Variants in CLASP2 observed in about 807,000 individuals in gnomAD.
CLASP2 encodes CLIP-associating protein 2.
Under a neutral mutation model 194.4 loss-of-function variants are expected in CLASP2, and 47 were observed. The ratio of observed to expected loss-of-function variants is 0.24; its 90% confidence interval spans 0.19 to 0.31. The LOEUF (loss-of-function observed/expected upper bound fraction) is 0.31, where lower values mean the gene tolerates loss of function less well. Ranked by LOEUF, CLASP2 falls within the 10% of genes least tolerant of loss-of-function variation. The pLI is 1.00. For missense variants in CLASP2, 1,445 were observed against 1,823.6 expected (o/e 0.79, Z 3.78); for synonymous variants, 619 against 633.5 (o/e 0.98, Z 0.34).
intron 12 of CLASP2, among the ~76,000 whole-genome samples, chr3:33,616,734 CTT>C (rs958911625): frequency 1.4e-3 from 138 of 95,368 alleles, no homozygotes; most frequent in Middle Eastern, 8.8e-3. Context: ...ACTATACTTC[CTT>C]TTTTTTTTTT....
intron 34 of CLASP2, among the ~76,000 whole-genome samples, chr3:33,522,589 T>C (rs2053432583): frequency 6.6e-6 from 1 of 152,200 alleles, no homozygotes; most frequent in Admixed American, 6.5e-5. Context: ...TTGAAAAAGA[T>C]CTGATGGCAG....
chr3:33,676,509 G>A (rs1217097831), intron 6 of CLASP2, among the ~76,000 whole-genome samples: 3 of 150,508 alleles, frequency 2.0e-5, no homozygotes, highest in African/African-American at 7.3e-5. Context: ...TATGGAGAAA[G>A]CTGAAACTGG....
intron 1 of CLASP2, among the ~76,000 whole-genome samples, chr3:33,716,246 A>C (rs1227184791): frequency 1.3e-5 from 2 of 152,198 alleles, no homozygotes; most frequent in Non-Finnish European, 2.9e-5. Context: ...AGTGAGGAGC[A>C]TGGAGAAAAT....
chr3:33,559,427 G>T, intron 28 of CLASP2, 42 bp from the exon 29 acceptor site: 3 of 1,162,258 alleles, frequency 2.6e-6, no homozygotes, highest in South Asian at 1.4e-5. Flanking sequence ...AATTTAGTTA[G>T]CAAGTACGCA....
chr3:33,515,330 A>G (rs1162756955), intron 36 of CLASP2, among the ~76,000 whole-genome samples: 1 of 152,192 alleles, frequency 6.6e-6, no homozygotes, highest in East Asian at 1.9e-4. Flanking sequence ...CATGGCTACC[A>G]AGTACTATGA....
At chr3:33,568,549 G>A (rs1176548522) in intron 26 of CLASP2, among the ~76,000 whole-genome samples, 3 of 58,612 alleles carry the variant, frequency 5.1e-5, no homozygotes, top group Non-Finnish European at 8.9e-5. Context: ...AAGAGATCTT[G>A]TCTCAAAAAA....
intron 29 of CLASP2, among the ~76,000 whole-genome samples, chr3:33,556,343 CTGGTTTTATTTT>C (rs1481152136): frequency 1.3e-5 from 2 of 152,042 alleles, no homozygotes; most frequent in East Asian, 3.8e-4. Flanking sequence ...CACTTGAAAG[CTGGTTTTATTTT>C]TGGCATAAAG....
At chr3:33,560,153 T>C (rs932191434) in intron 28 of CLASP2, among the ~76,000 whole-genome samples, 4 of 152,130 alleles carry the variant, frequency 2.6e-5, no homozygotes, top group Non-Finnish European at 4.4e-5. Context: ...AAATGCATAA[T>C]AAAACGTTGT....
At chr3:33,648,379 A>G (rs540814167) in intron 7 of CLASP2, among the ~76,000 whole-genome samples, 22 of 152,120 alleles carry the variant, frequency 1.4e-4, no homozygotes, top group African/African-American at 4.6e-4. Flanking sequence ...TTGAAAAAGC[A>G]TTACTGGAGA....
chr3:33,687,484 A>G (rs1301967185), intron 4 of CLASP2, among the ~76,000 whole-genome samples: 1 of 152,226 alleles, frequency 6.6e-6, no homozygotes, highest in African/African-American at 2.4e-5. Context: ...TGATTTTTTT[A>G]GACTCTGGTC....
At chr3:33,607,534 T>A in intron 14 of CLASP2, 73 bp from the exon 15 acceptor site, 1 of 932,096 alleles carries the variant, frequency 1.1e-6, no homozygotes, top group Non-Finnish European at 1.6e-6. Context: ...TTAAGGCCTA[T>A]ATGTTACATA....
intron 7 of CLASP2, among the ~76,000 whole-genome samples, chr3:33,654,990 A>T (rs934399143): frequency 6.6e-5 from 10 of 152,162 alleles, no homozygotes. Context: ...AAGTAACGGG[A>T]CAATCACAAT....
chr3:33,605,900 C>G (rs1466005957), intron 16 of CLASP2, among the ~76,000 whole-genome samples: 1 of 152,098 alleles, frequency 6.6e-6, no homozygotes, highest in Non-Finnish European at 1.5e-5. Flanking sequence ...CATGAGCTAC[C>G]ATGCCTGGCC....
intron 1 of CLASP2, among the ~76,000 whole-genome samples, chr3:33,706,769 C>G (rs2154355499): frequency 6.6e-6 from 1 of 151,976 alleles, no homozygotes; most frequent in South Asian, 2.1e-4. Flanking sequence ...CGAGACCAGC[C>G]TGGGCAACAT....
intron 15 of CLASP2, 145 bp downstream of exon 15, chr3:33,607,239 A>G: frequency 1.8e-6 from 1 of 563,268 alleles, no homozygotes; most frequent in East Asian, 2.9e-5. Flanking sequence ...TGTCTAATAC[A>G]GATGTAATGG....
At chr3:33,552,359 C>T (rs1053726550) in intron 29 of CLASP2, among the ~76,000 whole-genome samples, 36 of 152,036 alleles carry the variant, frequency 2.4e-4, no homozygotes, top group African/African-American at 4.1e-4. Context: ...CCTCATGATC[C>T]GCCTGCCTCA....
intron 6 of CLASP2, among the ~76,000 whole-genome samples, chr3:33,673,382 A>G (rs199689218): frequency 6.6e-3 from 912 of 138,292 alleles, no homozygotes; most frequent in South Asian, 0.011. Flanking sequence ...CTTTACAGAC[A>G]AGCAAATGCT....
At chr3:33,657,636 T>C (rs912361874) in intron 7 of CLASP2, among the ~76,000 whole-genome samples, 3 of 151,940 alleles carry the variant, frequency 2.0e-5, no homozygotes, top group Non-Finnish European at 2.9e-5. Flanking sequence ...CTTAAGTATA[T>C]GAGAACTTAT....
intron 8 of CLASP2, among the ~76,000 whole-genome samples, chr3:33,635,145 A>T (rs1456734705): frequency 6.6e-6 from 1 of 151,426 alleles, no homozygotes; most frequent in African/African-American, 2.4e-5. Flanking sequence ...CTGTAATCTC[A>T]GCTACTTGGG....
Sources: allele counts gnomAD v4.1 joint callset (sites outside exome capture counted in the v4.1 genomes callset), GRCh38; gene constraint gnomAD v4.1.1; transcripts MANE v1.5; gene names NCBI Gene and HGNC (gene_info 2026-07-23, HGNC 2026-07-21).